Variants in RASEF observed in about 807,000 individuals in gnomAD.
RASEF encodes the protein RAS and EF-hand domain containing.
Under a neutral mutation model 90.1 loss-of-function variants are expected in RASEF, and 68 were observed. The ratio of observed to expected loss-of-function variants is 0.75; its 90% CI spans 0.62 to 0.92. The LOEUF is 0.92. Ranked by LOEUF, RASEF falls within the 40% of genes least tolerant of loss-of-function variation. The pLI, the probability that RASEF is intolerant of heterozygous loss-of-function variation, is 0.00. For missense variants in RASEF, 949 were observed against 937.2 expected, an observed-to-expected ratio of 1.01 and a Z score of -0.16; for synonymous variants, 331 against 345.2, an observed-to-expected ratio of 0.96 and a Z score of 0.46.
chr9:83,208,924 G>GCACA, the RASEF span, among the ~76,000 whole-genome samples: 2 of 152,242 alleles, frequency 1.3e-5, no homozygotes, highest in South Asian at 4.2e-4. Context: ...CAGAAGTTTG[G>GCACA]GGACTTTTCA....
chr9:83,194,466 C>A, the RASEF span, among the ~76,000 whole-genome samples: 1 of 152,140 alleles, frequency 6.6e-6, no homozygotes, highest in African/African-American at 2.4e-5. Flanking sequence ...CAACATGACT[C>A]GTCACAGATG....
Position 83,012,509 on chromosome 9 carries a change from G to A in RASEF, c.768C>T (p.Leu256=), listed in dbSNP as rs771368997. ...LQVTIKKLRK[L]EEQSKRVSQK... is the part of the protein sequence containing the mutation. ...GACTTACGCGTTTTGATTGTTCTTC[G>A]AGCTGAAAGACCAAATAAAAGTTGT... is the stretch of plus-strand genomic sequence containing the variant. Residue 256 remains leucine, a splice_region_variant and synonymous_variant, in exon 5 of 17, where the codon CTC becomes CTT. Transcript: ENST00000376447. 12 of 1,576,572 alleles carry A rather than the reference G, an allele frequency of 7.6e-6. No homozygotes were observed. The East Asian group carries it at 9.4e-5, about 12-fold the overall frequency.
In RASEF at chr9:82,993,025, C is replaced by A. The variant is rs199920640; in HGVS notation, c.1921G>T (p.Asp641Tyr). The A allele has an allele frequency of 3.7e-6, 6 of 1,611,762 alleles. No individual in the cohort carries two copies. The East Asian group carries it at 1.3e-4, about 36-fold the overall frequency. Reference sequence around the variant, plus strand: ...ATGGGAACAGTCTCATGGGCTGCATCCTACCAGGAAGAAAAAAAAAATGGG... The same window carrying A: ...ATGGGAACAGTCTCATGGGCTGCATACTACCAGGAAGAAAAAAAAAATGGG... ...NIREWVDMIE[D>Y]AAHETVPIML... is the part of the protein sequence containing the mutation. Residue 641 changes from aspartate (D) to tyrosine (Y), a missense_variant and splice_region_variant, in exon 15 of 17, where the codon GAT (aspartate) becomes TAT (tyrosine). Physicochemically the swap from Asp to Tyr is radical, Grantham distance 160. Transcript: ENST00000376447.
At chr9:83,062,342 G>A (rs770252973) in intron 1 of RASEF, 95 bp downstream of exon 1, 17 of 1,053,908 alleles carry the variant, frequency 1.6e-5, no homozygotes, top group Non-Finnish European at 2.1e-5. Context: ...GAAGACTAGG[G>A]GGGGGGGCCA....
upstream of RASEF, among the ~76,000 whole-genome samples, chr9:83,065,097 AAC>A (rs1198729128): frequency 2.0e-5 from 3 of 152,210 alleles, no homozygotes; most frequent in Non-Finnish European, 4.4e-5. Context: ...AAAAACAAAA[AAC>A]ACACAAATTA....
At chr9:83,187,144 T>C in the RASEF span, among the ~76,000 whole-genome samples, 1 of 152,172 alleles carries the variant, frequency 6.6e-6, no homozygotes, top group Admixed American at 6.5e-5. Context: ...GCTCTTCCTA[T>C]GTAAACCCCA....
At position 82,981,611 on chromosome 9, in the gene RASEF, A is replaced by G. The variant is rs2118333445; in HGVS notation, c.*1066T>C. On this transcript the variant is annotated 3_prime_UTR_variant, in exon 17 of 17. Coordinates refer to ENST00000376447, the MANE Select transcript of RASEF (RefSeq NM_152573.4). ...AAGTACTAGCATTTTTTTTAGTGAG[A>G]TAATTCACAACCATAAAATTCACCC... 6.6e-6 allele frequency: 1 copy of G among 152,294 alleles called. No homozygotes were observed. Among genetic ancestry groups the G allele is most frequent in the South Asian group, 2.1e-4 (1 of 4,822 alleles). The allele number at this position is 152,294 out of a possible 1,614,324, so 9.4% of individuals were successfully genotyped here.
intron 7 of RASEF, among the ~76,000 whole-genome samples, chr9:83,005,949 C>G (rs1434786515): frequency 1.3e-5 from 2 of 152,160 alleles, no homozygotes; most frequent in East Asian, 3.9e-4. Flanking sequence ...CACCAGGTAC[C>G]GTCGTGTAGC....
chr9:83,207,998 A>G, the RASEF span, among the ~76,000 whole-genome samples: 48 of 152,298 alleles, frequency 3.2e-4, no homozygotes, highest in Admixed American at 7.2e-4. Context: ...TTGTAGTGGC[A>G]TGTCTCCATT....
chr9:82,983,187 A>G (rs1828649469), intron 16 of RASEF, among the ~76,000 whole-genome samples: 1 of 150,466 alleles, frequency 6.6e-6, no homozygotes, highest in African/African-American at 2.5e-5. Flanking sequence ...CTGAGGTTTC[A>G]GGATGCTGCA....
chr9:83,085,081 C>A, the RASEF span, among the ~76,000 whole-genome samples: 1 of 152,060 alleles, frequency 6.6e-6, no homozygotes, highest in Admixed American at 6.6e-5. Flanking sequence ...CCAGTAAGAA[C>A]AAGTAGGTAC....
intron 16 of RASEF, among the ~76,000 whole-genome samples, chr9:82,985,131 C>A (rs1021636841): frequency 2.6e-5 from 4 of 152,150 alleles, no homozygotes; most frequent in Admixed American, 1.3e-4. Flanking sequence ...GAAATTCAAC[C>A]AGAAAGGTCA....
chr9:83,007,618 A>C, intron 6 of RASEF, 113 bp from the exon 7 acceptor site: 3 of 775,526 alleles, frequency 3.9e-6, no homozygotes, highest in Non-Finnish European at 6.7e-6. Flanking sequence ...GTCCTTGGCC[A>C]CAGTTTTCTA....
At position 83,049,915 on chromosome 9, in the gene RASEF, C is replaced by T. The variant is rs867841933; in HGVS notation, c.431+12522G>A. On this transcript the variant is annotated intron_variant, in intron 1 of 16. Transcript: ENST00000376447. ...CATAGTATTCCATGGTGTATATGTGCCACATTTTCTTAATCCAGTCTATCA... is the reference window on the plus strand; with the variant it reads ...CATAGTATTCCATGGTGTATATGTGTCACATTTTCTTAATCCAGTCTATCA... 1.5e-4 allele frequency among the ~76,000 whole-genome samples: 8 copies of T among 55,122 alleles called. No individual in the cohort carries two copies. In the South Asian group the frequency reaches 6.6e-3, roughly 46 times the overall value. 36.2% of individuals were successfully genotyped at this position (55,122 alleles called of 152,430 possible). A position where few individuals can be genotyped will look rare whatever the true frequency, so the allele number is the denominator to read the frequency against.
chr9:83,021,713 A>G (rs1428090805), intron 3 of RASEF, among the ~76,000 whole-genome samples: 1 of 152,226 alleles, frequency 6.6e-6, no homozygotes, highest in Non-Finnish European at 1.5e-5. Flanking sequence ...TAGGTATTAT[A>G]AGTAATCCAG....
At chr9:83,108,271 C>A in the RASEF span, among the ~76,000 whole-genome samples, 4 of 152,098 alleles carry the variant, frequency 2.6e-5, no homozygotes, top group African/African-American at 9.7e-5. Context: ...AATAAATATG[C>A]CTCATGTCAG....
intron 1 of RASEF, among the ~76,000 whole-genome samples, chr9:83,036,474 C>A (rs1240857656): frequency 1.3e-5 from 2 of 152,314 alleles, no homozygotes; most frequent in African/African-American, 4.8e-5. Flanking sequence ...GAGAGTACCT[C>A]GGATGCTCTT....
At chr9:83,205,873 C>T in the RASEF span, among the ~76,000 whole-genome samples, 1 of 152,178 alleles carries the variant, frequency 6.6e-6, no homozygotes, top group Non-Finnish European at 1.5e-5. Context: ...GATGAACACA[C>T]CGTATAGACA....
chr9:83,039,478 C>T (rs1022583088), intron 1 of RASEF, among the ~76,000 whole-genome samples: 1 of 152,112 alleles, frequency 6.6e-6, no homozygotes, highest in African/African-American at 2.4e-5. Flanking sequence ...GCGACAGGCT[C>T]AGAACTCTGA....
Sources: gnomAD v4.1 joint callset for allele counts (sites outside exome capture counted in the v4.1 genomes callset) on GRCh38, gnomAD v4.1.1 for gene constraint, MANE v1.5 for transcripts, NCBI Gene and HGNC (gene_info 2026-07-23, HGNC 2026-07-21) for gene names.